TRPM3: variants seen among roughly 807,000 people sequenced by gnomAD.
TRPM3 encodes the protein long transient receptor potential channel 3.
In TRPM3, 77 loss-of-function variants were observed where a neutral mutation model predicts 181.2. That is an observed-to-expected ratio of 0.42 (90% CI 0.35 to 0.51). TRPM3 has a LOEUF of 0.51. Ranked by LOEUF, TRPM3 falls within the 20% of genes least tolerant of loss-of-function variation. The pLI, the probability that TRPM3 is intolerant of heterozygous loss-of-function variation, is 0.01. For synonymous variants in TRPM3, 745 were observed against 796.4 expected (o/e 0.94, Z 1.09); for missense variants, 1,759 against 2,196.7 (o/e 0.80, Z 3.98).
intron 5 of TRPM3, among the ~76,000 whole-genome samples, chr9:70,841,028 A>G (rs2094593510): frequency 6.6e-6 from 1 of 152,180 alleles, no homozygotes; most frequent in Admixed American, 6.5e-5. Context: ...TAAAGAATTA[A>G]TTTATGTATT....
At chr9:70,596,845 T>C (rs1407156940) in intron 21 of TRPM3, among the ~76,000 whole-genome samples, 5 of 152,144 alleles carry the variant, frequency 3.3e-5, no homozygotes, top group Non-Finnish European at 7.4e-5. Context: ...CTCACCGCAG[T>C]CTTGAACTCT....
intron 1 of TRPM3, among the ~76,000 whole-genome samples, chr9:70,975,460 T>C (rs10868934): frequency 0.23 from 34,977 of 152,092 alleles, 4,484 homozygotes; most frequent in East Asian, 0.45. Flanking sequence ...CAAGTCACAC[T>C]ATATTTTATT....
At chr9:71,001,870 G>A (rs1254199737) in intron 1 of TRPM3, among the ~76,000 whole-genome samples, 3 of 152,186 alleles carry the variant, frequency 2.0e-5, no homozygotes, top group African/African-American at 7.2e-5. Context: ...ATGCAAATGT[G>A]AAAGATATAG....
At chr9:70,680,156 G>A (rs2065066685) in intron 9 of TRPM3, among the ~76,000 whole-genome samples, 1 of 152,218 alleles carries the variant, frequency 6.6e-6, no homozygotes, top group African/African-American at 2.4e-5. Context: ...ACATGGTATA[G>A]TGAAGAGTTA....
At chr9:71,339,199 A>G (rs1259389615) in intron 1 of TRPM3, among the ~76,000 whole-genome samples, 2 of 152,174 alleles carry the variant, frequency 1.3e-5, no homozygotes, top group Non-Finnish European at 2.9e-5. Context: ...GGAGACTTAT[A>G]TAAATTAAAA....
intron 1 of TRPM3, among the ~76,000 whole-genome samples, chr9:71,350,524 A>T (rs565847904): frequency 8.7e-4 from 132 of 152,338 alleles, no homozygotes; most frequent in Middle Eastern, 3.4e-3. Context: ...CTGTTCCTGT[A>T]GTCTTAAGTT....
At chr9:71,275,092 A>G (rs1312900068) in intron 1 of TRPM3, among the ~76,000 whole-genome samples, 1 of 152,216 alleles carries the variant, frequency 6.6e-6, no homozygotes, top group Non-Finnish European at 1.5e-5. Flanking sequence ...CATAAGAATT[A>G]CAAAAGAAGC....
chr9:71,009,861 G>A (rs1671090474), intron 1 of TRPM3, among the ~76,000 whole-genome samples: 6 of 150,708 alleles, frequency 4.0e-5, no homozygotes, highest in Middle Eastern at 3.5e-3. Context: ...AAAAAGCATA[G>A]TACTGTCATA....
intron 1 of TRPM3, among the ~76,000 whole-genome samples, chr9:71,206,718 G>C (rs2079146218): frequency 6.6e-6 from 1 of 151,928 alleles, no homozygotes; most frequent in Non-Finnish European, 1.5e-5. Flanking sequence ...TATGGTTTTA[G>C]GTCTTACATT....
intron 22 of TRPM3, among the ~76,000 whole-genome samples, chr9:70,583,479 A>G (rs1176659823): frequency 6.6e-6 from 1 of 152,254 alleles, no homozygotes; most frequent in Non-Finnish European, 1.5e-5. Flanking sequence ...GAATTACAAC[A>G]GAGGCTGAAA....
At chr9:71,307,432 T>C (rs1239320960) in intron 1 of TRPM3, among the ~76,000 whole-genome samples, 3 of 152,128 alleles carry the variant, frequency 2.0e-5, no homozygotes, top group South Asian at 2.1e-4. Context: ...TATTTTTTCT[T>C]ATATGTTTAC....
At chr9:71,282,280 GAAAAGAAAGAAAGA>G (rs2084854625) in intron 1 of TRPM3, among the ~76,000 whole-genome samples, 1 of 82,810 alleles carries the variant, frequency 1.2e-5, no homozygotes, top group Non-Finnish European at 2.6e-5. Flanking sequence ...GAGAAAGAAA[GAAAAGAAAGAAAGA>G]AAAAGAAAGA....
At chr9:70,603,828 T>A (rs538405608) in intron 19 of TRPM3, among the ~76,000 whole-genome samples, 13 of 152,240 alleles carry the variant, frequency 8.5e-5, no homozygotes, top group Non-Finnish European at 1.6e-4. Context: ...GCGTGGACCT[T>A]AGGTTCTTAA....
At chr9:71,170,236 G>T (rs2076783175) in intron 1 of TRPM3, among the ~76,000 whole-genome samples, 2 of 152,160 alleles carry the variant, frequency 1.3e-5, no homozygotes, top group East Asian at 3.9e-4. Context: ...AGTTACAGCA[G>T]AATAGAGAAC....
intron 19 of TRPM3, among the ~76,000 whole-genome samples, chr9:70,607,088 G>A (rs58139655): frequency 0.056 from 8,524 of 152,192 alleles, 292 homozygotes; most frequent in African/African-American, 0.097. Context: ...CTCAAAACAA[G>A]CAGGGTCTAG....
intron 1 of TRPM3, among the ~76,000 whole-genome samples, chr9:70,992,693 TTAAA>T (rs1255097081): frequency 9.2e-5 from 14 of 152,368 alleles, no homozygotes; most frequent in Admixed American, 9.1e-4. Flanking sequence ...CTAATTTAAC[TTAAA>T]TAACCATATG....
In TRPM3 at chr9:70,902,610, C is replaced by T. The variant is rs372862278; in HGVS notation, c.178-38099G>A. ...GAATCATGTCAACTGCTTTCCTCCC[C>T]TTCTTCCAAAGAAACTACAATGAGC... On this transcript the variant is annotated intron_variant, in intron 1 of 25. Transcript: ENST00000677713. 1.8e-4 allele frequency among the ~76,000 whole-genome samples: 27 copies of T among 152,284 alleles called. 1 individual carries two copies. Among genetic ancestry groups the T allele is most frequent in the Admixed American group, 8.5e-4 (13 of 15,294 alleles).
At chr9:70,758,680 A>G (rs774273143) in intron 8 of TRPM3, among the ~76,000 whole-genome samples, 1 of 152,164 alleles carries the variant, frequency 6.6e-6, no homozygotes, top group Non-Finnish European at 1.5e-5. Context: ...AATGCCACAA[A>G]TCTACAACGA....
At chr9:71,136,931 C>T (rs1046697130) in intron 1 of TRPM3, among the ~76,000 whole-genome samples, 2 of 152,084 alleles carry the variant, frequency 1.3e-5, no homozygotes, top group East Asian at 1.9e-4. Flanking sequence ...ATCATTAAAG[C>T]GGATGGAGTG....
Sources: allele counts gnomAD v4.1 joint callset (sites outside exome capture counted in the v4.1 genomes callset), GRCh38; gene constraint gnomAD v4.1.1; transcripts MANE v1.5; gene names NCBI Gene and HGNC (gene_info 2026-07-23, HGNC 2026-07-21).